The following ELAVL2 variants were observed in gnomAD, a reference collection of about 807,000 sequenced individuals.
ELAVL2 encodes ELAV like RNA binding protein 2.
Under a neutral mutation model 34.6 loss-of-function variants are expected in ELAVL2, and 4 were observed. The observed-to-expected ratio is 0.12, with a 90% confidence interval of 0.06 to 0.26. The LOEUF is 0.26. Among genes scored for constraint, ELAVL2 ranks in the 10% least tolerant of loss-of-function variants. The pLI, the probability that ELAVL2 is intolerant of heterozygous loss-of-function variation, is 1.00. For synonymous variants in ELAVL2, 193 were observed against 154.8 expected, an observed-to-expected ratio of 1.25 and a Z score of -1.83; for missense variants, 432 against 442.8, an observed-to-expected ratio of 0.98 and a Z score of 0.22.
chr9:23,745,339 C>A (rs1007776983), intron 2 of ELAVL2, among the ~76,000 whole-genome samples: 6 of 152,128 alleles, frequency 3.9e-5, no homozygotes, highest in Non-Finnish European at 7.4e-5. Flanking sequence ...CTGTGTAATC[C>A]TCTATAACCT....
At chr9:23,830,005 C>G (rs960680645), upstream of ELAVL2, 4 of 152,208 alleles carry the variant, frequency 2.6e-5, no homozygotes, top group African/African-American at 9.7e-5. Context: ...CTTAGAGCCC[C>G]GAACTCGCTG....
chr9:23,781,063 G>C (rs1476368466), intron 1 of ELAVL2, among the ~76,000 whole-genome samples: 1 of 152,156 alleles, frequency 6.6e-6, no homozygotes, highest in East Asian at 1.9e-4. Flanking sequence ...CAACAAGTTT[G>C]TTATGTTCAT....
chr9:23,774,068 G>A (rs538837528), intron 1 of ELAVL2, among the ~76,000 whole-genome samples: 44 of 151,650 alleles, frequency 2.9e-4, no homozygotes, highest in African/African-American at 7.5e-4. Flanking sequence ...AAAATTAGCC[G>A]GACTTGGTGG....
At chr9:23,778,331 A>AC (rs1259589625) in intron 1 of ELAVL2, among the ~76,000 whole-genome samples, 3 of 152,244 alleles carry the variant, frequency 2.0e-5, no homozygotes, top group African/African-American at 7.2e-5. Context: ...ATTTAGCCTG[A>AC]AAACATGTTA....
intron 3 of ELAVL2, among the ~76,000 whole-genome samples, chr9:23,708,619 T>G (rs768675188): frequency 6.6e-6 from 1 of 152,216 alleles, no homozygotes; most frequent in African/African-American, 2.4e-5. Flanking sequence ...AACAGGATGT[T>G]GCTAGAAATT....
intron 3 of ELAVL2, among the ~76,000 whole-genome samples, chr9:23,722,197 C>A (rs369947153): frequency 6.6e-6 from 1 of 152,130 alleles, no homozygotes; most frequent in Admixed American, 6.5e-5. Context: ...AAAGAGTCTA[C>A]GCAAATTTAA....
chr9:23,773,219 G>C (rs1211030433), intron 1 of ELAVL2, among the ~76,000 whole-genome samples: 4 of 152,180 alleles, frequency 2.6e-5, no homozygotes, highest in Non-Finnish European at 5.9e-5. Flanking sequence ...AGTTAATAAT[G>C]TTTTTCAAAA....
At chr9:23,721,740 T>TA (rs2043790046) in intron 3 of ELAVL2, among the ~76,000 whole-genome samples, 1 of 152,218 alleles carries the variant, frequency 6.6e-6, no homozygotes, top group African/African-American at 2.4e-5. Flanking sequence ...GAAGGATCCT[T>TA]ATGATGATCC....
intron 2 of ELAVL2, among the ~76,000 whole-genome samples, chr9:23,760,885 A>C (rs187765271): frequency 3.3e-4 from 50 of 152,180 alleles, no homozygotes; most frequent in African/African-American, 1.1e-3. Context: ...ACTCACTTGC[A>C]GATCTTGGAG....
At chr9:23,753,130 T>C (rs565748106) in intron 2 of ELAVL2, among the ~76,000 whole-genome samples, 5 of 152,170 alleles carry the variant, frequency 3.3e-5, no homozygotes, top group Admixed American at 2.0e-4. Flanking sequence ...AGCCACTGTA[T>C]AGACCTGACA....
intron 1 of ELAVL2, among the ~76,000 whole-genome samples, chr9:23,780,910 G>C (rs949044281): frequency 3.9e-5 from 6 of 152,260 alleles, no homozygotes; most frequent in Non-Finnish European, 7.4e-5. Context: ...CCTCAGAGAA[G>C]CAATTATCTC....
chr9:23,738,585 A>G (rs1289618008), intron 2 of ELAVL2, among the ~76,000 whole-genome samples: 1 of 152,190 alleles, frequency 6.6e-6, no homozygotes, highest in Non-Finnish European at 1.5e-5. Flanking sequence ...CACATAATAC[A>G]GAAAACAGAT....
intron 4 of ELAVL2, among the ~76,000 whole-genome samples, chr9:23,701,869 A>T (rs143388232): frequency 6.6e-6 from 1 of 152,260 alleles, no homozygotes; most frequent in East Asian, 1.9e-4. Context: ...CAGCTAAGAC[A>T]AGAAAACACA....
chr9:23,818,950 A>T (rs1588820886), intron 1 of ELAVL2, among the ~76,000 whole-genome samples: 1 of 152,184 alleles, frequency 6.6e-6, no homozygotes, highest in African/African-American at 2.4e-5. Context: ...CAGGTTTTTT[A>T]AAAAAATGTC....
At position 23,750,062 on chromosome 9, in the gene ELAVL2, G is replaced by A. The variant is rs141552210; in HGVS notation, c.229+11944C>T. Among the ~76,000 whole-genome samples, 1,403 of 151,090 alleles carry A rather than the reference G, an allele frequency of 9.3e-3. 18 individuals are homozygous for A. The highest frequency in any genetic ancestry group is 0.031 in the African/African-American group (1,290 of 41,190). ...AAAAAAAAAGACTCTTTAAAAGTCGGTTGTCCAACTATAAAGGCTAGGAAA... is the reference window on the plus strand; with the variant it reads ...AAAAAAAAAGACTCTTTAAAAGTCGATTGTCCAACTATAAAGGCTAGGAAA... On this transcript the variant is annotated intron_variant, in intron 2 of 6. Coordinates refer to ENST00000397312, the MANE Select transcript of ELAVL2 (RefSeq NM_004432.5).
At chr9:23,819,546 G>C (rs1467482537) in intron 1 of ELAVL2, among the ~76,000 whole-genome samples, 1 of 151,974 alleles carries the variant, frequency 6.6e-6, no homozygotes, top group East Asian at 1.9e-4. Flanking sequence ...GAATATAGCT[G>C]ACTTGATTGT....
At chr9:23,703,546 T>G (rs2038213762) in intron 4 of ELAVL2, among the ~76,000 whole-genome samples, 1 of 152,184 alleles carries the variant, frequency 6.6e-6, no homozygotes, top group African/African-American at 2.4e-5. Flanking sequence ...TACTCAGAAC[T>G]CTAAAGGTGG....
intron 1 of ELAVL2, among the ~76,000 whole-genome samples, chr9:23,788,338 G>A (rs2059940543): frequency 6.6e-6 from 1 of 152,112 alleles, no homozygotes; most frequent in Admixed American, 6.5e-5. Flanking sequence ...AGGAAATGGA[G>A]AAAATAATCC....
chr9:23,746,815 A>C (rs578254475), intron 2 of ELAVL2, among the ~76,000 whole-genome samples: 2 of 149,702 alleles, frequency 1.3e-5, no homozygotes, highest in African/African-American at 4.9e-5. Flanking sequence ...ATGTAAACTG[A>C]AAAAGAAAAA....
Sources: gnomAD v4.1 joint callset for allele counts (sites outside exome capture counted in the v4.1 genomes callset) on GRCh38, gnomAD v4.1.1 for gene constraint, MANE v1.5 for transcripts, NCBI Gene and HGNC (gene_info 2026-07-23, HGNC 2026-07-21) for gene names.